Variants in ASRGL1 observed in about 807,000 individuals in gnomAD.
ASRGL1 encodes the protein asparaginase and isoaspartyl peptidase 1.
In ASRGL1, 16 loss-of-function variants were observed where a neutral mutation model predicts 22.4. The observed-to-expected ratio is 0.71, with a 90% CI of 0.48 to 1.08. The LOEUF (loss-of-function observed/expected upper bound fraction) is 1.08, where lower values mean the gene tolerates loss of function less well. ASRGL1 is among the 50% of genes least tolerant of loss of function. ASRGL1 has a pLI of 0.00. For missense variants in ASRGL1, 412 were observed against 410.1 expected (o/e 1.00, Z -0.04); for synonymous variants, 165 against 159.3 (o/e 1.04, Z -0.27).
intron 2 of ASRGL1, 66 bp from the exon 3 acceptor site, chr11:62,356,259 C>T (rs1946291763): frequency 1.9e-6 from 3 of 1,578,504 alleles, no homozygotes; most frequent in Admixed American, 1.8e-5. Flanking sequence ...GGCTGACCCC[C>T]CCACCTCCCT....
downstream of ASRGL1, among the ~76,000 whole-genome samples, chr11:62,397,664 CAAAA>C (rs34199101): frequency 2.6e-5 from 2 of 75,626 alleles, no homozygotes; most frequent in Non-Finnish European, 2.8e-5. Context: ...AACTCCGTCT[CAAAA>C]AAAAAAAAAA....
At position 62,356,487 on chromosome 11, in the gene ASRGL1, C is replaced by T. The variant is rs748119572; in HGVS notation, c.333+20C>T. 1 of 1,612,734 alleles carries T rather than the reference C, an allele frequency of 6.2e-7. No homozygotes were observed. The highest frequency in any genetic ancestry group is 8.5e-7 in the Non-Finnish European group (1 of 1,178,974). ...GAAAAGGTATATGTGACTAAAGCAGCCTTTTCCTAATGAATTGTTATTGTT... is the reference window on the plus strand; with the variant it reads ...GAAAAGGTATATGTGACTAAAGCAGTCTTTTCCTAATGAATTGTTATTGTT... On this transcript the variant is annotated intron_variant, in intron 3 of 6. Transcript: ENST00000415229.
At chr11:62,354,034 A>G (rs1946222591) in intron 2 of ASRGL1, among the ~76,000 whole-genome samples, 1 of 152,212 alleles carries the variant, frequency 6.6e-6, no homozygotes, top group Admixed American at 6.5e-5. Flanking sequence ...CTGGCATGTA[A>G]TCAGGGCAGC....
At chr11:62,387,957 C>T (rs775682633) in intron 4 of ASRGL1, among the ~76,000 whole-genome samples, 1 of 152,156 alleles carries the variant, frequency 6.6e-6, no homozygotes, top group African/African-American at 2.4e-5. Flanking sequence ...AGAAATGCAT[C>T]CTGAGAAATG....
downstream of ASRGL1, among the ~76,000 whole-genome samples, chr11:62,393,910 C>T (rs769094904): frequency 6.6e-6 from 1 of 151,188 alleles, no homozygotes; most frequent in Non-Finnish European, 1.5e-5. Context: ...TCACTGTGTC[C>T]TCACATGGTC....
In ASRGL1 at chr11:62,338,157, G is replaced by A; in HGVS notation, c.180G>A (p.Glu60=). 2 of 1,572,404 alleles carry A rather than the reference G, an allele frequency of 1.3e-6. No individual in the cohort carries two copies. The highest frequency in any genetic ancestry group is 1.7e-6 in the Non-Finnish European group (2 of 1,161,322). The change falls in exon 2 of 7, where the codon GAG becomes GAA. Residue 60 remains glutamate (E), a synonymous_variant. Coordinates refer to ENST00000415229, the MANE Select transcript of ASRGL1 (RefSeq NM_001083926.2). ...TCGTCGCCCTGGAAGACGATCCCGA[G>A]TTCAACGCAGGTAAATGTGCCTTTC... ...GAVVALEDDP[E]FNAGCGSVLN...
chr11:62,356,846 T>C (rs1057185791), intron 3 of ASRGL1, 141 bp from the exon 4 acceptor site: 1 of 1,108,928 alleles, frequency 9.0e-7, no homozygotes, highest in Non-Finnish European at 1.2e-6. Context: ...TTTTTCAGCA[T>C]ACAGAAAAGC....
chr11:62,339,833 A>T (rs1428177270), intron 2 of ASRGL1, among the ~76,000 whole-genome samples: 1 of 152,188 alleles, frequency 6.6e-6, no homozygotes, highest in Non-Finnish European at 1.5e-5. Context: ...TAGGCTAGAG[A>T]TTGAAATACT....
At chr11:62,381,252 A>G (rs1241428052) in intron 4 of ASRGL1, among the ~76,000 whole-genome samples, 1 of 152,194 alleles carries the variant, frequency 6.6e-6, no homozygotes. Context: ...GTTGGCCATC[A>G]TGGTTTAGAC....
intron 4 of ASRGL1, among the ~76,000 whole-genome samples, chr11:62,358,560 T>A (rs948338180): frequency 1.3e-5 from 2 of 152,228 alleles, no homozygotes; most frequent in African/African-American, 4.8e-5. Flanking sequence ...CAGCCACTGC[T>A]GCTTTACACG....
chr11:62,359,715 G>C (rs904115746), intron 4 of ASRGL1, among the ~76,000 whole-genome samples: 2 of 151,868 alleles, frequency 1.3e-5, no homozygotes, highest in African/African-American at 4.8e-5. Context: ...ACTGATAACA[G>C]AGAAAAACAA....
chr11:62,371,828 C>T (rs552638326), intron 4 of ASRGL1: 2 of 514,378 alleles, frequency 3.9e-6, no homozygotes, highest in East Asian at 3.7e-5. Flanking sequence ...GTGGCGGGCT[C>T]CTGTAGTCCC....
Position 62,375,963 on chromosome 11 carries a change from G to C in ASRGL1, c.492-13170G>C, listed in dbSNP as rs191134328. 6.1e-4 allele frequency among the ~76,000 whole-genome samples: 92 copies of C among 152,006 alleles called. 1 individual carries two copies. The East Asian group carries it at 0.014, about 22-fold the overall frequency. On this transcript the variant is annotated intron_variant, in intron 4 of 6. Transcript: ENST00000415229. ...CTAAAAATAGAAAAATTAGCTGGGC[G>C]TGGTGGCACGCGCCTGTAATCCCAG...
intron 4 of ASRGL1, among the ~76,000 whole-genome samples, 188 bp from the exon 5 acceptor site, chr11:62,388,945 T>C (rs1423817650): frequency 1.3e-5 from 2 of 151,920 alleles, no homozygotes; most frequent in African/African-American, 2.4e-5. Flanking sequence ...TGTGGAGGAG[T>C]GTCCAGCAAT....
At chr11:62,372,676 G>A (rs1946805546) in intron 4 of ASRGL1, 1 of 1,138,392 alleles carries the variant, frequency 8.8e-7, no homozygotes, top group Non-Finnish European at 1.3e-6. Context: ...TGGGGCTTCA[G>A]TGGCTATGGC....
Position 62,387,059 on chromosome 11 carries a change from A to ATTT in ASRGL1, c.492-2061_492-2059dup, listed in dbSNP as rs55647741. On this transcript the variant is annotated intron_variant, in intron 4 of 6. Coordinates refer to ENST00000415229, the MANE Select transcript of ASRGL1 (RefSeq NM_001083926.2). ...AGACACACGCCACCACACTTAGCTAATTTTTTTTTTTTTTTGTATTTTTAG... is the reference window on the plus strand; with the variant it reads ...AGACACACGCCACCACACTTAGCTAATTTTTTTTTTTTTTTTTTGTATTTTTAG... Among the ~76,000 whole-genome samples the ATTT allele has an allele frequency of 7.7e-3, 1,101 of 143,690 alleles. 14 individuals carry two copies. The highest frequency in any genetic ancestry group is 0.021 in the African/African-American group (809 of 38,752). The allele number at this position is 143,690 out of a possible 152,430, so 94.3% of individuals were successfully genotyped here.
chr11:62,347,640 C>T (rs567894641), intron 2 of ASRGL1, among the ~76,000 whole-genome samples: 54 of 151,958 alleles, frequency 3.6e-4, no homozygotes, highest in African/African-American at 1.2e-3. Flanking sequence ...AAAAAAAAAC[C>T]GTGTAAGACT....
At chr11:62,349,213 C>T (rs529161378) in intron 2 of ASRGL1, among the ~76,000 whole-genome samples, 2 of 152,298 alleles carry the variant, frequency 1.3e-5, no homozygotes, top group African/African-American at 4.8e-5. Flanking sequence ...GTGATCCTCT[C>T]ACCTCAGCCT....
intron 4 of ASRGL1, among the ~76,000 whole-genome samples, chr11:62,381,492 G>A (rs1271376832): frequency 6.6e-6 from 1 of 152,060 alleles, no homozygotes; most frequent in African/African-American, 2.4e-5. Context: ...CAACTGAAAC[G>A]CTATCTTCTC....
Sources: allele counts gnomAD v4.1 joint callset (sites outside exome capture counted in the v4.1 genomes callset), GRCh38; gene constraint gnomAD v4.1.1; transcripts MANE v1.5; gene names NCBI Gene and HGNC (gene_info 2026-07-23, HGNC 2026-07-21).